PPP1R36: variants seen among roughly 807,000 people sequenced by gnomAD.
The protein encoded by PPP1R36 is chromosome 14 open reading frame 50.
Under a neutral mutation model 53.4 loss-of-function variants are expected in PPP1R36, and 47 were observed. That is an observed-to-expected ratio of 0.88 (90% CI 0.70 to 1.12). The LOEUF (loss-of-function observed/expected upper bound fraction) is 1.12. Ranked by LOEUF, PPP1R36 falls within the 50% of genes most tolerant of loss-of-function variation. PPP1R36 has a pLI of 0.00. For missense variants in PPP1R36, 456 were observed against 513.9 expected (o/e 0.89, Z 1.09); for synonymous variants, 153 against 170.5 (o/e 0.90, Z 0.80).
Position 64,568,417 on chromosome 14 carries a change from C to A in PPP1R36, c.503C>A (p.Ser168Ter). The A allele has an allele frequency of 6.4e-7, 1 of 1,561,194 alleles. No homozygotes were observed. Among genetic ancestry groups the A allele is most frequent in the South Asian group, 1.2e-5 (1 of 85,790 alleles). Reference sequence around the variant, plus strand: ...TTATCCCATTACTTGGAAAAAAACTCACTGGAAAAGAAACCCAAAAGCTAT... The same window carrying A: ...TTATCCCATTACTTGGAAAAAAACTAACTGGAAAAGAAACCCAAAAGCTAT... The part of the protein sequence containing the change: ...YYLSHYLEKN[S>*]LEKKPKSYMV... Residue 168 changes from serine to a stop codon, truncating the protein, a stop_gained, in exon 7 of 12, where the codon TCA (serine) becomes TAA (stop). Coordinates refer to ENST00000298705, the MANE Select transcript of PPP1R36 (RefSeq NM_172365.3). LOFTEE classifies it high-confidence loss of function.
intron 3 of PPP1R36, among the ~76,000 whole-genome samples, chr14:64,556,762 A>ATTGTGTGTGTGTG (rs1555351248): frequency 7.5e-6 from 1 of 133,970 alleles, no homozygotes; most frequent in African/African-American, 2.8e-5. Flanking sequence ...TCTCCAAAAA[A>ATTGTGTGTGTGTG]TGTGTGTGTG....
intron 3 of PPP1R36, among the ~76,000 whole-genome samples, chr14:64,554,393 C>A (rs976324435): frequency 6.6e-6 from 1 of 152,064 alleles, no homozygotes; most frequent in African/African-American, 2.4e-5. Context: ...TCAGGTGATC[C>A]ACCCACCTCG....
At chr14:64,550,338 C>A in intron 1 of PPP1R36, 1 of 1,214,378 alleles carries the variant, frequency 8.2e-7, no homozygotes, top group Non-Finnish European at 1.0e-6. Flanking sequence ...TGGTTGGTTG[C>A]AAAATAGGGA....
At chr14:64,567,466 A>T (rs1298366088) in intron 6 of PPP1R36, among the ~76,000 whole-genome samples, 1 of 152,248 alleles carries the variant, frequency 6.6e-6, no homozygotes, top group Non-Finnish European at 1.5e-5. Flanking sequence ...ATATAATATC[A>T]TAGAAAGAGG....
chr14:64,580,776 G>A (rs1322052013), intron 8 of PPP1R36, among the ~76,000 whole-genome samples: 2 of 152,224 alleles, frequency 1.3e-5, no homozygotes, highest in Non-Finnish European at 2.9e-5. Context: ...TGGCTTTTAT[G>A]CAGGAGAAGA....
At chr14:64,554,001 A>T (rs1404088306) in intron 3 of PPP1R36, among the ~76,000 whole-genome samples, 1 of 152,036 alleles carries the variant, frequency 6.6e-6, no homozygotes, top group Non-Finnish European at 1.5e-5. Context: ...GCCTTATAGT[A>T]TCAGGATTAC....
chr14:64,585,599 AC>A (rs915472821), intron 8 of PPP1R36, among the ~76,000 whole-genome samples: 15 of 150,860 alleles, frequency 9.9e-5, no homozygotes, highest in African/African-American at 3.7e-4. Flanking sequence ...TGAGGTGGGT[AC>A]CAGGCTCTCC....
At chr14:64,562,316 C>T (rs1385787904) in intron 3 of PPP1R36, among the ~76,000 whole-genome samples, 1 of 152,086 alleles carries the variant, frequency 6.6e-6, no homozygotes, top group African/African-American at 2.4e-5. Context: ...CAAAAATTAG[C>T]AGGATGTGGT....
intron 8 of PPP1R36, among the ~76,000 whole-genome samples, chr14:64,577,146 T>G (rs937472875): frequency 6.6e-6 from 1 of 152,210 alleles, no homozygotes; most frequent in Admixed American, 6.5e-5. Context: ...CATTGTATCC[T>G]CACCATGGCA....
At chr14:64,580,108 C>T (rs1384384859) in intron 8 of PPP1R36, among the ~76,000 whole-genome samples, 3 of 152,080 alleles carry the variant, frequency 2.0e-5, no homozygotes, top group Non-Finnish European at 2.9e-5. Context: ...GAGACCAGCC[C>T]GGGCAACACA....
At chr14:64,574,051 G>A (rs146914029) in intron 7 of PPP1R36, among the ~76,000 whole-genome samples, 51 of 151,246 alleles carry the variant, frequency 3.4e-4, no homozygotes, top group African/African-American at 1.2e-3. Context: ...TCATTGGTAA[G>A]TGAAGTCTGT....
At position 64,568,446 on chromosome 14, in the gene PPP1R36, G is replaced by T. The variant is rs1293607160; in HGVS notation, c.532G>T (p.Val178Leu). Residue 178 changes from valine to leucine, a missense_variant and splice_region_variant, in exon 7 of 12, where the codon GTA becomes TTA. By Grantham distance (32) the Val-to-Leu change is conservative. Transcript: ENST00000298705. ...SLEKKPKSYM[V>L]GLVEKKEMEL... ...GGAAAAGAAACCCAAAAGCTATATG[G>T]TGTAAGTAAGATTTTATAGTGTGCT... is the stretch of plus-strand genomic sequence containing the variant. The T allele has an allele frequency of 2.8e-6, 4 of 1,425,486 alleles. No homozygotes were observed. Among genetic ancestry groups the T allele is most frequent in the Non-Finnish European group, 3.9e-6 (4 of 1,033,874 alleles). 88.3% of individuals were successfully genotyped at this position (1,425,486 alleles called of 1,614,324 possible).
At chr14:64,579,685 C>T (rs2080371005) in intron 8 of PPP1R36, among the ~76,000 whole-genome samples, 1 of 152,112 alleles carries the variant, frequency 6.6e-6, no homozygotes, top group East Asian at 1.9e-4. Context: ...AAAACCTGCT[C>T]TTGGGCCAGG....
chr14:64,569,345 C>A (rs537662300), intron 7 of PPP1R36, among the ~76,000 whole-genome samples: 1 of 152,284 alleles, frequency 6.6e-6, no homozygotes, highest in South Asian at 2.1e-4. Context: ...GTTGTTGCTG[C>A]AGGATGTTTT....
intron 8 of PPP1R36, among the ~76,000 whole-genome samples, chr14:64,581,415 T>A (rs916697711): frequency 2.4e-4 from 37 of 152,278 alleles, no homozygotes; most frequent in Admixed American, 1.4e-3. Flanking sequence ...TTGGTGGGGG[T>A]CTGAGTTTCT....
intron 7 of PPP1R36, among the ~76,000 whole-genome samples, chr14:64,572,694 G>C (rs2080312309): frequency 1.3e-5 from 2 of 152,198 alleles, no homozygotes; most frequent in Admixed American, 6.5e-5. Flanking sequence ...TGCACTGTTA[G>C]CAAGTATCCC....
chr14:64,550,191 G>A (rs770905194), intron 1 of PPP1R36, 125 bp downstream of exon 1: 3 of 1,446,970 alleles, frequency 2.1e-6, no homozygotes, highest in Non-Finnish European at 2.7e-6. Flanking sequence ...CCGGGCTGGC[G>A]GTTCTCAAAG....
chr14:64,586,427 T>C (rs1463641591), intron 8 of PPP1R36: 1 of 155,822 alleles, frequency 6.4e-6, no homozygotes, highest in East Asian at 1.9e-4. Context: ...TTTCTGTTTC[T>C]TTTTGTACCC....
At chr14:64,568,728 G>T (rs867318334) in intron 7 of PPP1R36, among the ~76,000 whole-genome samples, 3 of 152,190 alleles carry the variant, frequency 2.0e-5, no homozygotes, top group Admixed American at 2.0e-4. Context: ...TCTTAAAAAT[G>T]TAATAAGATA....
Sources: allele counts gnomAD v4.1 joint callset (sites outside exome capture counted in the v4.1 genomes callset), GRCh38; gene constraint gnomAD v4.1.1; transcripts MANE v1.5; gene names NCBI Gene and HGNC (gene_info 2026-07-23, HGNC 2026-07-21).